Variants in DIP2A observed in about 807,000 individuals in gnomAD.
DIP2A encodes the protein disco-interacting protein 2 homolog A.
Under a neutral mutation model 177.4 loss-of-function variants are expected in DIP2A, and 85 were observed. The observed-to-expected ratio is 0.48, with a 90% confidence interval of 0.40 to 0.57. DIP2A has a LOEUF of 0.57. DIP2A is among the 20% of genes least tolerant of loss of function. The pLI is 0.00. For missense variants in DIP2A, 1,791 were observed against 2,100.2 expected, an observed-to-expected ratio of 0.85 and a Z score of 2.88; for synonymous variants, 886 against 881.8, an observed-to-expected ratio of 1.00 and a Z score of -0.08.
intron 10 of DIP2A, among the ~76,000 whole-genome samples, chr21:46,532,438 G>T (rs2059392408): frequency 1.3e-5 from 2 of 152,062 alleles, no homozygotes; most frequent in Non-Finnish European, 2.9e-5. Flanking sequence ...TAATGAGAGG[G>T]GCACTGAGAA....
intron 21 of DIP2A, 191 bp downstream of exon 21, chr21:46,547,233 C>A: frequency 7.3e-7 from 1 of 1,364,266 alleles, no homozygotes; most frequent in Non-Finnish European, 9.4e-7. Context: ...CCTTACTGTC[C>A]AAAGAGTTCC....
intron 37 of DIP2A, among the ~76,000 whole-genome samples, chr21:46,566,944 T>G (rs2148927596): frequency 6.6e-6 from 1 of 152,352 alleles, no homozygotes; most frequent in Middle Eastern, 3.4e-3. Flanking sequence ...AGAGCACACC[T>G]CACTGCCTGT....
intron 2 of DIP2A, among the ~76,000 whole-genome samples, chr21:46,486,089 AAAGAACT>A (rs1452496298): frequency 0.063 from 5,680 of 90,252 alleles, 353 homozygotes; most frequent in Non-Finnish European, 0.075. Context: ...AAAAAAAAAA[AAAGAACT>A]AAAGAACTAG....
intron 2 of DIP2A, among the ~76,000 whole-genome samples, chr21:46,485,253 TGTG>T (rs149849356): frequency 0.064 from 9,816 of 152,208 alleles, 738 homozygotes; most frequent in African/African-American, 0.19. Context: ...TGTGTGTGTG[TGTG>T]TAACTTAACG....
At chr21:46,572,381 C>T (rs975177594), downstream of DIP2A, among the ~76,000 whole-genome samples, 1 of 148,262 alleles carries the variant, frequency 6.7e-6, no homozygotes, top group Non-Finnish European at 1.5e-5. Flanking sequence ...CCTTCACATT[C>T]ATTCACCACT....
chr21:46,514,263 T>C (rs1601609182), intron 8 of DIP2A, among the ~76,000 whole-genome samples: 2 of 151,962 alleles, frequency 1.3e-5, no homozygotes, highest in Middle Eastern at 6.8e-3. Flanking sequence ...TGAAACCCCG[T>C]CTCTACTAAA....
intron 12 of DIP2A, 52 bp from the exon 13 acceptor site, chr21:46,534,531 CTG>C: frequency 3.3e-6 from 5 of 1,515,600 alleles, no homozygotes; most frequent in Non-Finnish European, 4.5e-6. Flanking sequence ...TCCATTCTGT[CTG>C]TTGTCACCTC....
Position 46,567,270 on chromosome 21 carries a change from G to A in DIP2A, c.4464-100G>A, listed in dbSNP as rs568149756. Reference sequence around the variant, plus strand: ...GGCCTTAAATAGCTGTGTGACATTGGTGGGCTTCACTCTTCTTTGTGCCAC... The same window carrying A: ...GGCCTTAAATAGCTGTGTGACATTGATGGGCTTCACTCTTCTTTGTGCCAC... On this transcript the variant is annotated intron_variant, in intron 37 of 37. Coordinates refer to ENST00000417564, the MANE Select transcript of DIP2A (RefSeq NM_015151.4). 4 of 1,497,756 alleles carry A rather than the reference G, an allele frequency of 2.7e-6. No individual in the cohort carries two copies. The South Asian group carries it at 4.0e-5, about 15-fold the overall frequency. 92.8% of individuals were successfully genotyped at this position (1,497,756 alleles called of 1,614,324 possible).
At position 46,561,947 on chromosome 21, in the gene DIP2A, G is replaced by A. The variant is rs1478652297; in HGVS notation, c.4089+142G>A. The A allele has an allele frequency of 9.5e-6, 14 of 1,471,880 alleles. No individual in the cohort carries two copies. The South Asian group carries it at 1.2e-4, about 12-fold the overall frequency. The allele number at this position is 1,471,880 out of a possible 1,614,324, so 91.2% of individuals were successfully genotyped here. ...TGGGGTGGGCTCGGCTGCTGCAGAA[G>A]TCTCCTTCCCTCCTTTGTGGCTGGT... On this transcript the variant is annotated intron_variant, in intron 34 of 37. Coordinates refer to ENST00000417564, the MANE Select transcript of DIP2A (RefSeq NM_015151.4).
chr21:46,566,520 C>T (rs1400407167), intron 36 of DIP2A, 40 bp from the exon 37 acceptor site: 25 of 1,613,266 alleles, frequency 1.5e-5, no homozygotes, highest in Non-Finnish European at 2.1e-5. Flanking sequence ...CTCTGCATGC[C>T]TTGGCTTTCT....
intron 33 of DIP2A, 45 bp downstream of exon 33, chr21:46,560,828 A>G (rs1301464507): frequency 6.4e-7 from 1 of 1,573,000 alleles, no homozygotes; most frequent in East Asian, 2.4e-5. Context: ...CCCAGTGGCA[A>G]AGTGATGCAA....
At chr21:46,503,636 C>CT (rs1668673252) in intron 5 of DIP2A, among the ~76,000 whole-genome samples, 1 of 112,326 alleles carries the variant, frequency 8.9e-6, no homozygotes, top group Non-Finnish European at 1.9e-5. Context: ...TTCTTTCTTT[C>CT]CTTTCTTTCT....
At chr21:46,522,061 A>G (rs745504290) in intron 8 of DIP2A, among the ~76,000 whole-genome samples, 4 of 152,356 alleles carry the variant, frequency 2.6e-5, no homozygotes, top group Non-Finnish European at 5.9e-5. Context: ...TAGCAAACCT[A>G]ATATCTGACC....
At chr21:46,490,361 A>T (rs540733834) in intron 2 of DIP2A, among the ~76,000 whole-genome samples, 1 of 152,164 alleles carries the variant, frequency 6.6e-6, no homozygotes, top group Admixed American at 6.5e-5. Context: ...TTTGATCATC[A>T]CCCTTCATGC....
intron 17 of DIP2A, 65 bp downstream of exon 17, chr21:46,540,056 T>C: frequency 7.4e-7 from 1 of 1,356,640 alleles, no homozygotes. Context: ...AGCTGAGTTA[T>C]CCTGGAGCTG....
intron 18 of DIP2A, 58 bp downstream of exon 18, chr21:46,541,953 G>T: frequency 1.7e-5 from 27 of 1,602,586 alleles, no homozygotes; most frequent in Non-Finnish European, 2.3e-5. Context: ...AACGAAAAGG[G>T]TTTTGTTTTG....
rs914073723 is a variant in DIP2A at position 46,459,185 on chromosome 21, G to A, written c.54G>A (p.Arg18=). ...LEAAPLPAEV[R]ESLAELELEL... is the part of the protein sequence containing the mutation. ...CGGCGCCGCTGCCTGCCGAGGTGCG[G>A]GAGAGCCTGGCTGAGCTGGAGCTGG... Residue 18 remains arginine (R), a synonymous_variant, in exon 1 of 38, where the codon CGG becomes CGA. Coordinates refer to ENST00000417564, the MANE Select transcript of DIP2A (RefSeq NM_015151.4). The A allele has an allele frequency of 5.9e-6, 9 of 1,525,350 alleles. No individual in the cohort carries two copies. Among genetic ancestry groups the A allele is most frequent in the Non-Finnish European group, 2.6e-6 (3 of 1,136,984 alleles). The allele number at this position is 1,525,350 out of a possible 1,614,324, so 94.5% of individuals were successfully genotyped here.
intron 1 of DIP2A, among the ~76,000 whole-genome samples, chr21:46,479,904 G>C (rs559959108): frequency 1.5e-4 from 23 of 152,280 alleles, no homozygotes; most frequent in African/African-American, 5.3e-4. Context: ...TAAGACCCCT[G>C]TGTTTGGAAA....
Position 46,558,282 on chromosome 21 carries a change from C to G in DIP2A, c.3858C>G (p.Pro1286=). The change falls in exon 32 of 38, where the codon CCC becomes CCG. Residue 1286 remains proline (P), a synonymous_variant. Transcript: ENST00000417564. ...GCATGGTGGTCGCCGAGGAGCGGCCCAGGATTGCGCTGACCCAGTCCTTCT... is the reference window on the plus strand; with the variant it reads ...GCATGGTGGTCGCCGAGGAGCGGCCGAGGATTGCGCTGACCCAGTCCTTCT... ...RTCMVVAEER[P]RIALTQSFSK... is the part of the protein sequence containing the mutation. 8 of 1,612,340 alleles carry G rather than the reference C, an allele frequency of 5.0e-6. No individual in the cohort carries two copies. Among genetic ancestry groups the G allele is most frequent in the Non-Finnish European group, 6.8e-6 (8 of 1,179,716 alleles).
Sources: allele counts gnomAD v4.1 joint callset (sites outside exome capture counted in the v4.1 genomes callset), GRCh38; gene constraint gnomAD v4.1.1; transcripts MANE v1.5; gene names NCBI Gene and HGNC (gene_info 2026-07-23, HGNC 2026-07-21).